Variants in SLC26A4 observed in about 807,000 individuals in gnomAD.
SLC26A4 encodes solute carrier family 26 member 4.
In SLC26A4, 93 loss-of-function variants were observed where a neutral mutation model predicts 90.4. The observed-to-expected ratio is 1.03, with a 90% CI of 0.87 to 1.22. SLC26A4 has a LOEUF of 1.22. Ranked by LOEUF, SLC26A4 falls within the 50% of genes most tolerant of loss-of-function variation. The pLI is 0.00. For synonymous variants in SLC26A4, 393 were observed against 354.6 expected (o/e 1.11, Z -1.22); for missense variants, 1,127 against 946.2 (o/e 1.19, Z -2.51).
intron 10 of SLC26A4, among the ~76,000 whole-genome samples, chr7:107,690,735 T>C (rs1282319390): frequency 6.6e-6 from 1 of 152,182 alleles, no homozygotes; most frequent in Non-Finnish European, 1.5e-5. Context: ...TGTAACATTT[T>C]TGGCATTTCT....
chr7:107,686,441 C>CTTTCTTTCTTTCTTTCTTTCTTCTT (rs34443296), intron 8 of SLC26A4, among the ~76,000 whole-genome samples: 1 of 116,726 alleles, frequency 8.6e-6, no homozygotes, highest in African/African-American at 3.5e-5. Context: ...TTCTTTCTTT[C>CTTTCTTTCTTTCTTTCTTTCTTCTT]TTTCTTTCTT....
At chr7:107,686,019 C>G (rs1411403637) in intron 8 of SLC26A4, among the ~76,000 whole-genome samples, 2 of 151,876 alleles carry the variant, frequency 1.3e-5, no homozygotes, top group African/African-American at 4.8e-5. Context: ...GTTTGTTACT[C>G]TCTTTTTTCT....
chr7:107,709,298 G>A (rs1234420118), intron 18 of SLC26A4, among the ~76,000 whole-genome samples: 1 of 152,106 alleles, frequency 6.6e-6, no homozygotes, highest in Non-Finnish European at 1.5e-5. Flanking sequence ...TTTGAGACAG[G>A]GTCTTGCTCT....
chr7:107,679,811 T>C (rs998753641), intron 6 of SLC26A4, among the ~76,000 whole-genome samples: 1 of 146,716 alleles, frequency 6.8e-6, no homozygotes, highest in South Asian at 2.1e-4. Flanking sequence ...TAATCTTATA[T>C]TATTATATAA....
intron 8 of SLC26A4, among the ~76,000 whole-genome samples, chr7:107,686,305 C>CT: frequency 1.4e-5 from 2 of 146,044 alleles, no homozygotes; most frequent in African/African-American, 5.1e-5. Context: ...CCTTCCCTCC[C>CT]TTCCCTCCCT....
chr7:107,683,655 TTG>T, intron 8 of SLC26A4, 118 bp downstream of exon 8: 2 of 795,730 alleles, frequency 2.5e-6, no homozygotes, highest in Non-Finnish European at 4.1e-6. Flanking sequence ...ATAGTCCTAT[TTG>T]TGTGTGATCT....
rs566776457 is a variant in SLC26A4 at position 107,687,852 on chromosome 7, G to A, written c.1002-1201G>A. Among the ~76,000 whole-genome samples the A allele has an allele frequency of 2.0e-5, 3 of 152,280 alleles. No homozygotes were observed. The South Asian group carries it at 6.2e-4, about 32-fold the overall frequency. The stretch of plus-strand genomic sequence containing the variant: ...TCCCAAGTCACATCCCAACTAGCAG[G>A]TGATGTCATGCTGAGTCGCCCAACT... On this transcript the variant is annotated intron_variant, in intron 8 of 20. Transcript: ENST00000644269.
intron 18 of SLC26A4, among the ~76,000 whole-genome samples, chr7:107,704,969 G>C (rs918766904): frequency 6.6e-6 from 1 of 152,076 alleles, no homozygotes; most frequent in Non-Finnish European, 1.5e-5. Context: ...TAAAACAATG[G>C]CCTTTTATTT....
At chr7:107,703,315 A>C (rs1362585698) in intron 17 of SLC26A4, among the ~76,000 whole-genome samples, 1 of 152,186 alleles carries the variant, frequency 6.6e-6, no homozygotes, top group Non-Finnish European at 1.5e-5. Context: ...AATAATATAA[A>C]GCTGACTCCT....
chr7:107,677,471 C>A (rs116450551), intron 6 of SLC26A4, among the ~76,000 whole-genome samples: 15 of 152,078 alleles, frequency 9.9e-5, no homozygotes, highest in African/African-American at 3.6e-4. Flanking sequence ...GATGAATAGA[C>A]CTCATGAAGC....
chr7:107,689,367 G>A (rs573575810), intron 9 of SLC26A4, among the ~76,000 whole-genome samples, 167 bp downstream of exon 9: 1 of 152,156 alleles, frequency 6.6e-6, no homozygotes, highest in Admixed American at 6.6e-5. Context: ...TTTTGGAATA[G>A]ACACACTGCA....
chr7:107,711,254 T>C (rs1792177846), intron 19 of SLC26A4, among the ~76,000 whole-genome samples: 1 of 151,940 alleles, frequency 6.6e-6, no homozygotes, highest in African/African-American at 2.4e-5. Flanking sequence ...CTCTAACCCA[T>C]AGGTGATAAG....
At chr7:107,712,231 C>A (rs570844867) in intron 19 of SLC26A4, among the ~76,000 whole-genome samples, 1 of 152,158 alleles carries the variant, frequency 6.6e-6, no homozygotes, top group Non-Finnish European at 1.5e-5. Flanking sequence ...TTGAGAGATG[C>A]ACTATTGACT....
chr7:107,663,454 G>A lies in SLC26A4; in HGVS notation c.304+19G>A. Reference sequence around the variant, plus strand: ...CTGCAAGGTAAGATGTTGGCAGATTGAGAGTTCTGGTCTCCAGCAGGAGTT... The same window carrying A: ...CTGCAAGGTAAGATGTTGGCAGATTAAGAGTTCTGGTCTCCAGCAGGAGTT... On this transcript the variant is annotated intron_variant, in intron 3 of 20. Transcript: ENST00000644269. The A allele has an allele frequency of 6.2e-7, 1 of 1,613,766 alleles. No individual in the cohort carries two copies. Among genetic ancestry groups the A allele is most frequent in the Non-Finnish European group, 8.5e-7 (1 of 1,179,766 alleles).
Position 107,683,199 on chromosome 7 carries a change from T to C in SLC26A4, c.766-3T>C. On this transcript the variant is annotated splice_region_variant and splice_polypyrimidine_tract_variant and intron_variant, in intron 6 of 20. Coordinates refer to ENST00000644269, the MANE Select transcript of SLC26A4 (RefSeq NM_000441.2). Reference sequence around the variant, plus strand: ...AGTATATAAAATTATTTTCTTTTTATAGACGCTGGTTGAGATTTTTCAAAA... The same window carrying C: ...AGTATATAAAATTATTTTCTTTTTACAGACGCTGGTTGAGATTTTTCAAAA... 1 of 1,610,486 alleles carries C rather than the reference T, an allele frequency of 6.2e-7. No homozygotes were observed. The highest frequency in any genetic ancestry group is 1.1e-5 in the South Asian group (1 of 90,936).
chr7:107,664,429 G>A (rs1045098245), intron 3 of SLC26A4, among the ~76,000 whole-genome samples: 14 of 152,112 alleles, frequency 9.2e-5, no homozygotes, highest in African/African-American at 2.4e-4. Flanking sequence ...ATGGGGTTTC[G>A]CCATGTTGGC....
At chr7:107,669,072 C>T (rs1790794304) in intron 3 of SLC26A4, among the ~76,000 whole-genome samples, 2 of 152,080 alleles carry the variant, frequency 1.3e-5, no homozygotes. Flanking sequence ...ATCCTTGTGC[C>T]TCAGCCTCCT....
At chr7:107,701,719 G>A (rs1791891224) in intron 16 of SLC26A4, 108 bp from the exon 17 acceptor site, 2 of 785,614 alleles carry the variant, frequency 2.5e-6, no homozygotes, top group Admixed American at 2.0e-5. Flanking sequence ...TCTCCTTGAT[G>A]TCTTGCTTAC....
At chr7:107,673,323 C>T (rs1276006417) in intron 4 of SLC26A4, among the ~76,000 whole-genome samples, 1 of 151,846 alleles carries the variant, frequency 6.6e-6, no homozygotes, top group African/African-American at 2.4e-5. Flanking sequence ...TACAGATTGA[C>T]ATTTGATATG....
Sources: gnomAD v4.1 joint callset for allele counts (sites outside exome capture counted in the v4.1 genomes callset) on GRCh38, gnomAD v4.1.1 for gene constraint, MANE v1.5 for transcripts, NCBI Gene and HGNC (gene_info 2026-07-23, HGNC 2026-07-21) for gene names.